CFAP20DC: variants seen among roughly 807,000 people sequenced by gnomAD.
CFAP20DC encodes CFAP20 domain containing, also known as protein CFAP20DC.
CFAP20DC carries 84 observed loss-of-function variants against 101.7 expected under a neutral mutation model. The observed-to-expected ratio is 0.83, with a 90% CI of 0.69 to 0.99. The LOEUF (loss-of-function observed/expected upper bound fraction) is 0.99, where lower values mean the gene tolerates loss of function less well. Among genes scored for constraint, CFAP20DC ranks in the 50% least tolerant of loss-of-function variants. The pLI, the probability that CFAP20DC is intolerant of heterozygous loss-of-function variation, is 0.00. For synonymous variants in CFAP20DC, 359 were observed against 351.2 expected (o/e 1.02, Z -0.25); for missense variants, 1,007 against 970.3 (o/e 1.04, Z -0.50).
intron 4 of CFAP20DC, among the ~76,000 whole-genome samples, chr3:59,022,608 GA>G (rs2109002694): frequency 6.6e-6 from 1 of 152,156 alleles, no homozygotes; most frequent in South Asian, 2.1e-4. Context: ...CTATGTACAT[GA>G]AACAGAAAGG....
At chr3:58,719,535 T>G (rs1029885421) in intron 3 of CFAP20DC, among the ~76,000 whole-genome samples, 3 of 152,214 alleles carry the variant, frequency 2.0e-5, no homozygotes, top group Non-Finnish European at 4.4e-5. Context: ...TCTACCCAGA[T>G]TTTTCAGCTA....
intron 13 of CFAP20DC, among the ~76,000 whole-genome samples, chr3:58,835,267 A>C (rs992233369): frequency 2.6e-5 from 4 of 152,206 alleles, no homozygotes; most frequent in Non-Finnish European, 5.9e-5. Context: ...AGAAGTATGA[A>C]TAAGATGCCT....
At chr3:59,025,084 C>A (rs1033634092) in intron 4 of CFAP20DC, among the ~76,000 whole-genome samples, 1 of 152,130 alleles carries the variant, frequency 6.6e-6, no homozygotes, top group Admixed American at 6.6e-5. Flanking sequence ...TTTCCCAGGT[C>A]CTGCTTCTTC....
Position 58,899,628 on chromosome 3 carries a change from G to GA in CFAP20DC, c.550+14079dup, listed in dbSNP as rs977188798. Among the ~76,000 whole-genome samples, 43 of 152,260 alleles carry GA rather than the reference G, an allele frequency of 2.8e-4. No homozygotes were observed. The highest frequency in any genetic ancestry group is 1.0e-3 in the African/African-American group (43 of 41,556). On this transcript the variant is annotated intron_variant, in intron 6 of 16. Transcript: ENST00000482387. This position sits in a 1 kb window ranked among gnomAD's most constrained non-coding sequence, Gnocchi z 5.0. ...CCCTGGTGGCATGCGCTTATGAGGG[G>GA]ATCTCCTAATCTGCTGGTTGCAAAG...
chr3:58,986,094 T>C (rs1313085835), intron 4 of CFAP20DC, among the ~76,000 whole-genome samples: 1 of 152,210 alleles, frequency 6.6e-6, no homozygotes, highest in East Asian at 1.9e-4. Context: ...ACTGAGCTAA[T>C]GAATATTCCC....
At chr3:58,965,210 G>C (rs2091439595) in intron 4 of CFAP20DC, among the ~76,000 whole-genome samples, 1 of 152,152 alleles carries the variant, frequency 6.6e-6, no homozygotes, top group East Asian at 1.9e-4. Flanking sequence ...TTAAGTTGCT[G>C]AATGTCATAA....
At chr3:58,958,193 C>G (rs1282979738) in intron 4 of CFAP20DC, among the ~76,000 whole-genome samples, 1 of 152,076 alleles carries the variant, frequency 6.6e-6, no homozygotes, top group East Asian at 1.9e-4. Flanking sequence ...CAGACCACCT[C>G]TACTCAAACT....
intron 14 of CFAP20DC, among the ~76,000 whole-genome samples, chr3:58,809,990 AC>A (rs1490376910): frequency 6.6e-6 from 1 of 152,196 alleles, no homozygotes; most frequent in Non-Finnish European, 1.5e-5. Flanking sequence ...ACACCATCCC[AC>A]GACTAAACCA....
intron 16 of CFAP20DC, among the ~76,000 whole-genome samples, chr3:58,747,486 C>T (rs1475374877): frequency 6.6e-6 from 1 of 152,116 alleles, no homozygotes; most frequent in East Asian, 1.9e-4. Flanking sequence ...AATGATGTGG[C>T]ACTAGTTTAT....
intron 6 of CFAP20DC, among the ~76,000 whole-genome samples, chr3:58,906,615 T>C (rs2083611334): frequency 6.6e-6 from 1 of 152,168 alleles, no homozygotes; most frequent in Non-Finnish European, 1.5e-5. Context: ...GGGAAAATAA[T>C]TATTAATACT....
chr3:58,847,348 G>A (rs1575896674), intron 13 of CFAP20DC, among the ~76,000 whole-genome samples: 1 of 150,808 alleles, frequency 6.6e-6, no homozygotes, highest in Non-Finnish European at 1.5e-5. Context: ...ATCAAAAAGT[G>A]GGTGAAGGAC....
At chr3:58,950,074 C>T (rs1307965171) in intron 4 of CFAP20DC, among the ~76,000 whole-genome samples, 2 of 152,162 alleles carry the variant, frequency 1.3e-5, no homozygotes, top group African/African-American at 2.4e-5. Flanking sequence ...TCAGCAAAGT[C>T]TCAGGATACA....
intron 15 of CFAP20DC, among the ~76,000 whole-genome samples, chr3:58,797,755 G>A (rs2073364017): frequency 6.6e-6 from 1 of 151,710 alleles, no homozygotes; most frequent in Non-Finnish European, 1.5e-5. Flanking sequence ...GGATGACTCT[G>A]TTGTTGGGGG....
intron 5 of CFAP20DC, among the ~76,000 whole-genome samples, chr3:58,923,213 T>C (rs2085575822): frequency 6.6e-6 from 1 of 152,114 alleles, no homozygotes; most frequent in Non-Finnish European, 1.5e-5. Context: ...AGCCCCAAAA[T>C]ACATTACTAA....
chr3:58,982,856 A>G (rs1456521714), intron 4 of CFAP20DC, among the ~76,000 whole-genome samples: 1 of 151,850 alleles, frequency 6.6e-6, no homozygotes, highest in Non-Finnish European at 1.5e-5. Context: ...TTAAAGTATA[A>G]TAATAAAAAC....
intron 13 of CFAP20DC, among the ~76,000 whole-genome samples, chr3:58,840,320 T>C (rs1478143770): frequency 2.6e-5 from 4 of 152,212 alleles, no homozygotes; most frequent in African/African-American, 4.8e-5. Context: ...ATTCTCACTA[T>C]GGTTAGCATT....
chr3:58,726,970 C>A (rs2067562083), intron 3 of CFAP20DC: 2 of 244,922 alleles, frequency 8.2e-6, no homozygotes, highest in Admixed American at 6.0e-5. Flanking sequence ...AGCGACCCAT[C>A]CCTTCCACTC....
chr3:58,772,819 G>A (rs919788440), intron 15 of CFAP20DC, among the ~76,000 whole-genome samples: 4 of 152,078 alleles, frequency 2.6e-5, no homozygotes, highest in African/African-American at 9.7e-5. Flanking sequence ...GAACAGTATA[G>A]TCTTATCCTT....
intron 15 of CFAP20DC, among the ~76,000 whole-genome samples, chr3:58,772,733 T>C (rs56124605): frequency 0.099 from 15,120 of 152,090 alleles, 1,288 homozygotes; most frequent in East Asian, 0.35. Flanking sequence ...ACCCAAACAA[T>C]GAAATAATAT....
Sources: gnomAD v4.1 joint callset for allele counts (sites outside exome capture counted in the v4.1 genomes callset) on GRCh38, gnomAD v4.1.1 for gene constraint, Gnocchi (gnomAD v3.1) non-coding constraint, MANE v1.5 for transcripts, NCBI Gene and HGNC (gene_info 2026-07-23, HGNC 2026-07-21) for gene names.